RPTOR: variants seen among roughly 807,000 people sequenced by gnomAD.
RPTOR encodes regulatory associated protein of MTOR complex 1, also known as regulatory-associated protein of mTOR.
In RPTOR, 21 loss-of-function variants were observed where a neutral mutation model predicts 169.9. That is an observed-to-expected ratio of 0.12 (90% CI 0.09 to 0.18). The LOEUF is 0.18. RPTOR is among the 10% of genes least tolerant of loss of function. The pLI, the probability that RPTOR is intolerant of heterozygous loss-of-function variation, is 1.00. For missense variants in RPTOR, 1,133 were observed against 1,855.9 expected (o/e 0.61, Z 7.16); for synonymous variants, 732 against 753.2 (o/e 0.97, Z 0.46).
rs1419349263 is a variant in RPTOR at position 80,962,938 on chromosome 17, A to C, written c.3820A>C (p.Asn1274His). ...TTTCTCTCCCCACAGTGGCTCCGTC[A>C]ATCAGTTCACCGCCATCTACAACAG... is the stretch of plus-strand genomic sequence containing the variant. Reference protein sequence around the residue: ...QADLIACGSVNQFTAIYNSSG... With the variant: ...QADLIACGSVHQFTAIYNSSG... The change falls in exon 33 of 34, where the codon AAT becomes CAT. Residue 1274 changes from asparagine to histidine, a missense_variant. Physicochemically the swap from Asn to His is moderately conservative, Grantham distance 68. Coordinates refer to ENST00000306801, the MANE Select transcript of RPTOR (RefSeq NM_020761.3). 3.7e-6 allele frequency: 6 copies of C among 1,613,514 alleles called. No homozygotes were observed. Among genetic ancestry groups the C allele is most frequent in the South Asian group, 1.1e-5 (1 of 91,092 alleles).
intron 2 of RPTOR, among the ~76,000 whole-genome samples, chr17:80,626,259 G>A (rs759538728): frequency 1.6e-4 from 24 of 151,352 alleles, no homozygotes; most frequent in African/African-American, 4.4e-4. Flanking sequence ...CACCATGTTC[G>A]CCAGGATGGT....
chr17:80,614,037 C>T (rs866868474), intron 1 of RPTOR, among the ~76,000 whole-genome samples: 1 of 152,210 alleles, frequency 6.6e-6, no homozygotes, highest in Non-Finnish European at 1.5e-5. Flanking sequence ...TCCACTGGGG[C>T]CTTTCATTGT....
intron 3 of RPTOR, among the ~76,000 whole-genome samples, chr17:80,691,033 A>T (rs2065986995): frequency 6.6e-6 from 1 of 152,102 alleles, no homozygotes; most frequent in South Asian, 2.1e-4. Flanking sequence ...GGCCTCAAGC[A>T]ATCTTCCTGC....
intron 27 of RPTOR, among the ~76,000 whole-genome samples, chr17:80,949,240 C>A (rs572978734): frequency 6.6e-6 from 1 of 152,190 alleles, no homozygotes; most frequent in African/African-American, 2.4e-5. Context: ...GCGACTCCTC[C>A]TGCTGGCTCG....
chr17:80,773,940 GC>G (rs2066868839), intron 6 of RPTOR: 7 of 985,038 alleles, frequency 7.1e-6, no homozygotes, highest in Non-Finnish European at 8.4e-6. Flanking sequence ...TATGCGGCCT[GC>G]CCTGGGGGCT....
chr17:80,608,710 C>T (rs151235411), intron 1 of RPTOR, among the ~76,000 whole-genome samples: 2 of 152,322 alleles, frequency 1.3e-5, no homozygotes, highest in East Asian at 1.9e-4. Flanking sequence ...GTTCGGGGCA[C>T]TTTCCCCCCT....
intron 2 of RPTOR, among the ~76,000 whole-genome samples, chr17:80,627,895 A>G (rs983056189): frequency 5.3e-5 from 8 of 150,882 alleles, no homozygotes; most frequent in Admixed American, 5.3e-4. Flanking sequence ...TGGGAGTGCA[A>G]TGGCACGATC....
chr17:80,635,114 GCCT>G (rs1567831892), intron 2 of RPTOR, among the ~76,000 whole-genome samples: 1 of 152,138 alleles, frequency 6.6e-6, no homozygotes, highest in Non-Finnish European at 1.5e-5. Context: ...CTAATGTGGT[GCCT>G]CCTCCTGTGT....
Position 80,862,273 on chromosome 17 carries a change from T to C in RPTOR, c.1509+4373T>C, listed in dbSNP as rs144061824. On this transcript the variant is annotated intron_variant, in intron 13 of 33. Transcript: ENST00000306801. ...GCATGTTTAAAAGCAATCATTCCAC[T>C]GAGGGGCATTTTGAAGTGTTTCCGG... is the stretch of plus-strand genomic sequence containing the variant. 6.4e-4 allele frequency among the ~76,000 whole-genome samples: 97 copies of C among 152,288 alleles called. No individual in the cohort carries two copies. The East Asian group carries it at 0.014, about 21-fold the overall frequency.
intron 3 of RPTOR, among the ~76,000 whole-genome samples, chr17:80,686,938 T>C (rs7501497): frequency 0.18 from 26,726 of 152,026 alleles, 3,754 homozygotes; most frequent in African/African-American, 0.39. Flanking sequence ...CACAGCTTAT[T>C]GCATCTATCA....
chr17:80,963,088 T>C (rs1213274421), intron 33 of RPTOR, 31 bp downstream of exon 33: 9 of 78,904 alleles, frequency 1.1e-4, no homozygotes, highest in Non-Finnish European at 1.9e-4. Context: ...GGGTCGGGGG[T>C]CGGGGGCTGG....
At chr17:80,846,918 G>A (rs1343448232) in intron 11 of RPTOR, among the ~76,000 whole-genome samples, 2 of 152,250 alleles carry the variant, frequency 1.3e-5, no homozygotes, top group Non-Finnish European at 2.9e-5. Flanking sequence ...TTCCACTTTA[G>A]GAATTGCTGA....
intron 21 of RPTOR, among the ~76,000 whole-genome samples, chr17:80,911,097 C>G (rs2068607693): frequency 6.6e-6 from 1 of 152,208 alleles, no homozygotes; most frequent in African/African-American, 2.4e-5. Context: ...TCCCAAAGTG[C>G]TGGGATTACA....
At chr17:80,728,503 G>A (rs998388190) in intron 4 of RPTOR, among the ~76,000 whole-genome samples, 5 of 140,618 alleles carry the variant, frequency 3.6e-5, no homozygotes, top group Non-Finnish European at 7.9e-5. Context: ...CAAATGGCTG[G>A]TTAGAGTTTC....
chr17:80,918,431 AGCACCCTCGCCGGAGTCATAGCCACG>A, intron 21 of RPTOR, among the ~76,000 whole-genome samples: 1 of 124,856 alleles, frequency 8.0e-6, no homozygotes, highest in Middle Eastern at 3.9e-3. Context: ...CATAGCCACG[AGCACCCTCGCCGGAGTCATAGCCACG>A]AGCACCCTCG....
chr17:80,625,830 G>GTCTGGCCGGC, intron 2 of RPTOR, 37 bp downstream of exon 2: 1 of 1,470,662 alleles, frequency 6.8e-7, no homozygotes, highest in Admixed American at 1.7e-5. Context: ...CACAAAGGCC[G>GTCTGGCCGGC]TCTGGCCGGC....
chr17:80,907,357 C>T (rs900409858), intron 20 of RPTOR, among the ~76,000 whole-genome samples: 3 of 152,262 alleles, frequency 2.0e-5, no homozygotes, highest in African/African-American at 7.2e-5. Context: ...CCCTGTCTGC[C>T]TCCGCCTCTG....
intron 3 of RPTOR, among the ~76,000 whole-genome samples, chr17:80,698,212 C>CA (rs1226610444): frequency 7.2e-5 from 11 of 152,180 alleles, no homozygotes; most frequent in African/African-American, 2.7e-4. Context: ...GCAGAGGTGA[C>CA]AGGCCAGGTA....
At chr17:80,841,176 A>G (rs2067645059) in intron 10 of RPTOR, among the ~76,000 whole-genome samples, 1 of 119,606 alleles carries the variant, frequency 8.4e-6, no homozygotes, top group Non-Finnish European at 1.6e-5. Context: ...CTCTCACCGC[A>G]CGGCAGCTCA....
Sources: gnomAD v4.1 joint callset for allele counts (sites outside exome capture counted in the v4.1 genomes callset) on GRCh38, gnomAD v4.1.1 for gene constraint, MANE v1.5 for transcripts, NCBI Gene and HGNC (gene_info 2026-07-23, HGNC 2026-07-21) for gene names.